FARP2: variants seen among roughly 807,000 people sequenced by gnomAD.
FARP2 encodes FERM, ARH/RhoGEF and pleckstrin domain protein 2.
Under a neutral mutation model 130.5 loss-of-function variants are expected in FARP2, and 111 were observed. The ratio of observed to expected loss-of-function variants is 0.85; its 90% CI spans 0.73 to 1.00. FARP2 has a LOEUF of 1.00. Among genes scored for constraint, FARP2 ranks in the 50% least tolerant of loss-of-function variants. FARP2 has a pLI of 0.00. For synonymous variants in FARP2, 504 were observed against 516.9 expected (o/e 0.98, Z 0.34); for missense variants, 1,385 against 1,346.3 (o/e 1.03, Z -0.45).
In FARP2 at chr2:241,413,312, A is replaced by G. The variant is rs781297484; in HGVS notation, c.514A>G (p.Ile172Val). The change falls in exon 7 of 27, where the codon ATA becomes GTA. Residue 172 changes from isoleucine (I) to valine (V), a missense_variant. Coordinates refer to ENST00000264042, the MANE Select transcript of FARP2 (RefSeq NM_014808.4). Reference protein sequence around the residue: ...LLTSHLLQSEIGDYDETLDRE... With the variant: ...LLTSHLLQSEVGDYDETLDRE... ...TTACTTTTAACCTATCTCAGCGGAAATAGGAGATTACGATGAAACGCTGGA... is the reference window on the plus strand; with the variant it reads ...TTACTTTTAACCTATCTCAGCGGAAGTAGGAGATTACGATGAAACGCTGGA... 7 of 1,602,562 alleles carry G rather than the reference A, an allele frequency of 4.4e-6. No homozygotes were observed. The African/African-American group carries it at 8.0e-5, about 18-fold the overall frequency.
rs930916706 is a variant in FARP2, at chr2:241,406,991, A to G, written c.332-546A>G. Among the ~76,000 whole-genome samples, 21 of 151,502 alleles carry G rather than the reference A, an allele frequency of 1.4e-4. No individual in the cohort carries two copies. The East Asian group carries it at 1.6e-3, about 11-fold the overall frequency. On this transcript the variant is annotated intron_variant, in intron 4 of 26. Transcript: ENST00000264042. ...CCCGGCTAATTTTTTTGTATTTTTA[A>G]TAGAGACGGGGTTTCACTGTGTTGG...
At chr2:241,392,089 T>C (rs1050004376) in intron 2 of FARP2, among the ~76,000 whole-genome samples, 1 of 152,212 alleles carries the variant, frequency 6.6e-6, no homozygotes, top group African/African-American at 2.4e-5. Context: ...TGCAGACCCA[T>C]TGGCATTGGA....
chr2:241,457,870 C>T (rs1338394928), intron 14 of FARP2, among the ~76,000 whole-genome samples: 2 of 152,004 alleles, frequency 1.3e-5, no homozygotes, highest in Non-Finnish European at 2.9e-5. Flanking sequence ...CCACCTGGGG[C>T]GAGGGGGCGG....
chr2:241,417,959 C>T lies in FARP2; in HGVS notation c.624-3C>T, dbSNP rs1302983686. 1.9e-6 allele frequency: 3 copies of T among 1,613,546 alleles called. No individual in the cohort carries two copies. Among genetic ancestry groups the T allele is most frequent in the Admixed American group, 1.7e-5 (1 of 59,822 alleles). On this transcript the variant is annotated splice_polypyrimidine_tract_variant and splice_region_variant and intron_variant, in intron 7 of 26. Coordinates refer to ENST00000264042, the MANE Select transcript of FARP2 (RefSeq NM_014808.4). ...TGTATGATTCTACCATTTTTTATTACAGGGGCCAGACACCTGCTGAGTCGG... is the reference window on the plus strand; with the variant it reads ...TGTATGATTCTACCATTTTTTATTATAGGGGCCAGACACCTGCTGAGTCGG...
At chr2:241,492,534 G>A (rs76205141) in intron 24 of FARP2, 1 of 170,500 alleles carries the variant, frequency 5.9e-6, no homozygotes, top group Non-Finnish European at 1.3e-5. Flanking sequence ...GGACAGGGCT[G>A]CAGTGGGGCA....
At chr2:241,379,809 C>T (rs1244871638) in intron 2 of FARP2, among the ~76,000 whole-genome samples, 1 of 152,188 alleles carries the variant, frequency 6.6e-6, no homozygotes, top group African/African-American at 2.4e-5. Context: ...TACAAAAGCT[C>T]TTATGTGTTT....
chr2:241,467,397 G>A (rs1159379271), intron 17 of FARP2, among the ~76,000 whole-genome samples: 1 of 152,166 alleles, frequency 6.6e-6, no homozygotes, highest in Non-Finnish European at 1.5e-5. Context: ...TGTAATCCCA[G>A]CACTTTGGGA....
Position 241,453,199 on chromosome 2 carries a change from G to A in FARP2, c.1412-3548G>A, listed in dbSNP as rs574379154. 5.0e-3 allele frequency among the ~76,000 whole-genome samples: 762 copies of A among 151,494 alleles called. 2 individuals carry two copies. The highest frequency in any genetic ancestry group is 8.0e-3 in the Non-Finnish European group (546 of 67,942). ...ACAAAAATTAGCCGGGCATGGTGGC[G>A]TGCATCTCTAGTCCCAGCTACTCAG... On this transcript the variant is annotated intron_variant, in intron 13 of 26. Coordinates refer to ENST00000264042, the MANE Select transcript of FARP2 (RefSeq NM_014808.4).
At chr2:241,393,759 G>T (rs1401536798) in intron 2 of FARP2, among the ~76,000 whole-genome samples, 1 of 152,100 alleles carries the variant, frequency 6.6e-6, no homozygotes, top group Non-Finnish European at 1.5e-5. Context: ...GGCCTTTGTC[G>T]CCCATTTTCA....
intron 7 of FARP2, among the ~76,000 whole-genome samples, chr2:241,415,204 G>A (rs1449164254): frequency 1.3e-5 from 2 of 152,174 alleles, no homozygotes; most frequent in Non-Finnish European, 2.9e-5. Flanking sequence ...GGCAGTACAG[G>A]TAGAGCTCCT....
At chr2:241,465,970 T>A in intron 17 of FARP2, 1 of 1,408,586 alleles carries the variant, frequency 7.1e-7, no homozygotes, top group Non-Finnish European at 9.2e-7. Context: ...AAGTTCTACT[T>A]ATCCCAAAGG....
At position 241,423,791 on chromosome 2, in the gene FARP2, G is replaced by GA. The variant is rs572900123; in HGVS notation, c.771+5689dup. The stretch of plus-strand genomic sequence containing the variant: ...AAATTTACCAAGCAAATGGAAAACA[G>GA]AAAAAAACAAGGCTTGCAATCCTAG... On this transcript the variant is annotated intron_variant, in intron 8 of 26. Coordinates refer to ENST00000264042, the MANE Select transcript of FARP2 (RefSeq NM_014808.4). Among the ~76,000 whole-genome samples, 53 of 151,978 alleles carry GA rather than the reference G, an allele frequency of 3.5e-4. No homozygotes were observed. In the East Asian group the frequency reaches 8.1e-3, roughly 23 times the overall value.
intron 8 of FARP2, among the ~76,000 whole-genome samples, chr2:241,428,911 G>A (rs147022734): frequency 2.6e-5 from 4 of 152,170 alleles, no homozygotes; most frequent in African/African-American, 4.8e-5. Flanking sequence ...ACAAACATGC[G>A]GTCTGTTGTG....
At chr2:241,423,006 CAG>C (rs1376959841) in intron 8 of FARP2, among the ~76,000 whole-genome samples, 19 of 152,084 alleles carry the variant, frequency 1.2e-4, no homozygotes, top group African/African-American at 4.6e-4. Context: ...CCAAAAGAGA[CAG>C]GGAGAATGGA....
Position 241,475,845 on chromosome 2 carries a change from C to T in FARP2, c.2132-12C>T, listed in dbSNP as rs1378667641. On this transcript the variant is annotated splice_polypyrimidine_tract_variant and intron_variant, in intron 18 of 26. Transcript: ENST00000264042. The surrounding 1 kb of genome is among the most constrained non-coding windows in gnomAD (Gnocchi z 4.4). ...TGCCTGTACACCTGTACTGAGGGGT[C>T]TCTCCACACAGACGCCCTGAAAGCC... 1.2e-6 allele frequency: 2 copies of T among 1,607,372 alleles called. No homozygotes were observed. The highest frequency in any genetic ancestry group is 2.2e-5 in the South Asian group (2 of 89,840).
At chr2:241,397,901 C>T (rs1329915910) in intron 2 of FARP2, among the ~76,000 whole-genome samples, 1 of 143,658 alleles carries the variant, frequency 7.0e-6, no homozygotes, top group African/African-American at 2.6e-5. Context: ...GTGATCTTGG[C>T]TCACTGCAAC....
At chr2:241,394,965 G>T (rs2061994244) in intron 2 of FARP2, among the ~76,000 whole-genome samples, 1 of 152,208 alleles carries the variant, frequency 6.6e-6, no homozygotes, top group African/African-American at 2.4e-5. Flanking sequence ...TTCTGTGTGG[G>T]CAGACAGCGA....
rs1574863116 is a variant in FARP2, at chr2:241,456,882, C to T, written c.1547C>T (p.Ala516Val). ...CTCCTGAGCCCTGTCCTCAGTGATG[C>T]TGGCGGAGCCGGGATGGACTGCGAG... is the stretch of plus-strand genomic sequence containing the variant. ...SPLLSPVLSD[A>V]GGAGMDCEEP... The change falls in exon 14 of 27, where the codon GCT becomes GTT. Residue 516 changes from alanine (A) to valine (V), a missense_variant. Coordinates refer to ENST00000264042, the MANE Select transcript of FARP2 (RefSeq NM_014808.4). The T allele has an allele frequency of 1.7e-5, 28 of 1,610,104 alleles. 1 individual carries two copies. Among genetic ancestry groups the T allele is most frequent in the Non-Finnish European group, 2.2e-5 (26 of 1,178,084 alleles).
In FARP2 at chr2:241,366,092, TAAAA is replaced by T. The variant is rs201202290; in HGVS notation, c.-24-6982_-24-6979del. ...TAACCTAGTGAGACCTCATCACTAC[TAAAA>T]AAAAAAAAATATATATATATATATA... On this transcript the variant is annotated intron_variant, in intron 1 of 26. Transcript: ENST00000264042. Among the ~76,000 whole-genome samples the T allele has an allele frequency of 5.3e-4, 39 of 73,862 alleles. 2 individuals carry two copies. The highest frequency in any genetic ancestry group is 1.6e-3 in the East Asian group (4 of 2,490). 48.5% of individuals were successfully genotyped at this position (73,862 alleles called of 152,430 possible).
Sources: gnomAD v4.1 joint callset for allele counts (sites outside exome capture counted in the v4.1 genomes callset) on GRCh38, gnomAD v4.1.1 for gene constraint, Gnocchi (gnomAD v3.1) non-coding constraint, MANE v1.5 for transcripts, NCBI Gene and HGNC (gene_info 2026-07-23, HGNC 2026-07-21) for gene names.